Variants in MACROD2 observed in about 807,000 individuals in gnomAD.
MACROD2 encodes ADP-ribose glycohydrolase MACROD2.
MACROD2 carries 36 observed loss-of-function variants against 70.4 expected under a neutral mutation model. That is an observed-to-expected ratio of 0.51 (90% confidence interval 0.39 to 0.68). The LOEUF (loss-of-function observed/expected upper bound fraction) is 0.68. MACROD2 is among the 30% of genes least tolerant of loss of function. The probability of loss-of-function intolerance (pLI) is 0.00; values close to 1 mark genes in which losing one functional copy is unlikely to be tolerated. For synonymous variants in MACROD2, 172 were observed against 178.8 expected, an observed-to-expected ratio of 0.96 and a Z score of 0.30; for missense variants, 496 against 538.4, an observed-to-expected ratio of 0.92 and a Z score of 0.78.
chr20:14,931,586 CGTT>C (rs1369003121), intron 5 of MACROD2, among the ~76,000 whole-genome samples: 1 of 152,060 alleles, frequency 6.6e-6, no homozygotes, highest in Non-Finnish European at 1.5e-5. Flanking sequence ...TATTGGTAAA[CGTT>C]GTAAAGTTTT....
chr20:14,779,864 G>A (rs1009997659), intron 5 of MACROD2, among the ~76,000 whole-genome samples: 3 of 151,728 alleles, frequency 2.0e-5, no homozygotes, highest in Admixed American at 1.3e-4. Context: ...TAGCTTTATT[G>A]CTTATATTTT....
intron 8 of MACROD2, among the ~76,000 whole-genome samples, chr20:15,559,491 C>G (rs1474088167): frequency 6.6e-6 from 1 of 152,206 alleles, no homozygotes. Flanking sequence ...TTTGCTCCAT[C>G]TCCTCACCCA....
At chr20:15,936,355 T>C (rs2065660665) in intron 11 of MACROD2, among the ~76,000 whole-genome samples, 1 of 146,392 alleles carries the variant, frequency 6.8e-6, no homozygotes, top group Non-Finnish European at 1.5e-5. Context: ...ACTATGTACG[T>C]AACTATATAT....
intron 5 of MACROD2, among the ~76,000 whole-genome samples, chr20:15,095,796 C>T (rs553612883): frequency 1.3e-5 from 2 of 151,930 alleles, no homozygotes; most frequent in Admixed American, 6.6e-5. Context: ...GGATTACAGG[C>T]GTGAGCCACC....
At chr20:14,401,107 A>C (rs2083633682) in intron 3 of MACROD2, among the ~76,000 whole-genome samples, 1 of 152,166 alleles carries the variant, frequency 6.6e-6, no homozygotes, top group Non-Finnish European at 1.5e-5. Flanking sequence ...TCAATTAATC[A>C]TTCCATAAAT....
At chr20:15,353,229 C>A (rs906751109) in intron 6 of MACROD2, among the ~76,000 whole-genome samples, 4 of 152,018 alleles carry the variant, frequency 2.6e-5, no homozygotes, top group African/African-American at 9.7e-5. Context: ...CTTTGACAAA[C>A]CTGACAAAAA....
intron 6 of MACROD2, among the ~76,000 whole-genome samples, chr20:15,279,053 G>T (rs1299553083): frequency 6.6e-6 from 1 of 152,060 alleles, no homozygotes; most frequent in Non-Finnish European, 1.5e-5. Context: ...TTTCTTCAAT[G>T]ATAATAAAAA....
chr20:15,297,717 T>C (rs910850306), intron 6 of MACROD2, among the ~76,000 whole-genome samples: 7 of 152,180 alleles, frequency 4.6e-5, no homozygotes, highest in Non-Finnish European at 7.3e-5. Context: ...GCTAGAACAA[T>C]TGTGTGCATT....
intron 3 of MACROD2, among the ~76,000 whole-genome samples, chr20:14,484,787 C>T (rs368593271): frequency 1.8e-4 from 28 of 152,294 alleles, no homozygotes; most frequent in South Asian, 4.1e-4. Context: ...TTTATTCTGA[C>T]GGAATACTAC....
chr20:14,673,920 CA>C (rs1175764543), intron 4 of MACROD2, among the ~76,000 whole-genome samples: 2,974 of 50,958 alleles, frequency 0.058, 55 homozygotes, highest in African/African-American at 0.15. Flanking sequence ...AACTCCATCT[CA>C]AAAAAAAAAA....
intron 2 of MACROD2, among the ~76,000 whole-genome samples, chr20:14,072,181 A>G (rs2053853737): frequency 2.0e-5 from 3 of 152,186 alleles, no homozygotes; most frequent in Admixed American, 6.5e-5. Context: ...TCAAAGTATC[A>G]TAACTACTCT....
intron 5 of MACROD2, among the ~76,000 whole-genome samples, chr20:14,868,315 G>T (rs541046496): frequency 6.6e-6 from 1 of 151,720 alleles, no homozygotes; most frequent in South Asian, 2.1e-4. Context: ...AGCCTTTTGA[G>T]TAGCTGGGAC....
At chr20:14,725,595 C>T (rs1476235212) in intron 5 of MACROD2, among the ~76,000 whole-genome samples, 1 of 152,060 alleles carries the variant, frequency 6.6e-6, no homozygotes, top group African/African-American at 2.4e-5. Context: ...GAGATGGTCC[C>T]TGGAAGTGCT....
At position 15,547,396 on chromosome 20, in the gene MACROD2, C is replaced by T. The variant is rs373708163; in HGVS notation, c.645+47549C>T. 4.6e-5 allele frequency among the ~76,000 whole-genome samples: 7 copies of T among 152,266 alleles called. No homozygotes were observed. In the South Asian group the frequency reaches 6.2e-4, roughly 14 times the overall value. ...TGTTCTTATCTCATAATATGCCTATCGCCATCATTTTTTCCCCTAACAATC... is the reference window on the plus strand; with the variant it reads ...TGTTCTTATCTCATAATATGCCTATTGCCATCATTTTTTCCCCTAACAATC... On this transcript the variant is annotated intron_variant, in intron 8 of 17. Transcript: ENST00000684519.
intron 2 of MACROD2, among the ~76,000 whole-genome samples, chr20:14,060,151 C>T (rs2053675866): frequency 6.6e-6 from 1 of 152,162 alleles, no homozygotes; most frequent in Non-Finnish European, 1.5e-5. Flanking sequence ...ATTGAAGTTA[C>T]TTTCATATAA....
chr20:14,383,979 T>C (rs1327338900), intron 3 of MACROD2, among the ~76,000 whole-genome samples: 2 of 152,168 alleles, frequency 1.3e-5, no homozygotes, highest in African/African-American at 4.8e-5. Flanking sequence ...AAATCTCTTA[T>C]AATTTTCAAT....
chr20:15,180,078 A>G (rs1477323342), intron 5 of MACROD2, among the ~76,000 whole-genome samples: 1 of 152,120 alleles, frequency 6.6e-6, no homozygotes, highest in East Asian at 1.9e-4. Flanking sequence ...TCTAGTTCTT[A>G]TAAAGACACC....
intron 5 of MACROD2, among the ~76,000 whole-genome samples, chr20:15,146,585 C>T (rs986042309): frequency 2.6e-5 from 4 of 152,168 alleles, no homozygotes; most frequent in Non-Finnish European, 5.9e-5. Context: ...CCTCATATTT[C>T]GTTGACTGAG....
chr20:15,995,866 TG>T (rs2066624461), intron 15 of MACROD2, among the ~76,000 whole-genome samples: 1 of 151,488 alleles, frequency 6.6e-6, no homozygotes, highest in East Asian at 1.9e-4. Context: ...GAGGTGTGTG[TG>T]TGTGTGTGTG....
Sources: allele counts gnomAD v4.1 joint callset (sites outside exome capture counted in the v4.1 genomes callset), GRCh38; gene constraint gnomAD v4.1.1; transcripts MANE v1.5; gene names NCBI Gene and HGNC (gene_info 2026-07-23, HGNC 2026-07-21).